TMTC1: variants seen among roughly 807,000 people sequenced by gnomAD.
The protein encoded by TMTC1 is protein O-mannosyl-transferase TMTC1.
In TMTC1, 73 loss-of-function variants were observed where a neutral mutation model predicts 104.8. The observed-to-expected ratio is 0.70, with a 90% CI of 0.58 to 0.85. The LOEUF is 0.85. Among genes scored for constraint, TMTC1 ranks in the 40% least tolerant of loss-of-function variants. The pLI is 0.00. For synonymous variants in TMTC1, 434 were observed against 428.7 expected, an observed-to-expected ratio of 1.01 and a Z score of -0.15; for missense variants, 1,035 against 1,096.1, an observed-to-expected ratio of 0.94 and a Z score of 0.79.
At chr12:29,664,114 G>A (rs926653556) in intron 5 of TMTC1, among the ~76,000 whole-genome samples, 3 of 150,352 alleles carry the variant, frequency 2.0e-5, no homozygotes, top group Admixed American at 6.6e-5. Context: ...GTGAACCCGG[G>A]AGGCGGAGCT....
chr12:29,551,243 A>C (rs1945094596), intron 10 of TMTC1, among the ~76,000 whole-genome samples: 1 of 152,210 alleles, frequency 6.6e-6, no homozygotes. Flanking sequence ...TTCAGTTAAA[A>C]GGTAGAGAAA....
chr12:29,686,596 T>G (rs1020542727), intron 5 of TMTC1, among the ~76,000 whole-genome samples: 13 of 152,210 alleles, frequency 8.5e-5, no homozygotes, highest in Non-Finnish European at 1.8e-4. Context: ...AATCCACTCC[T>G]GTCAGGGCTG....
intron 5 of TMTC1, among the ~76,000 whole-genome samples, chr12:29,746,011 G>A (rs1327008307): frequency 6.6e-6 from 1 of 152,144 alleles, no homozygotes; most frequent in Non-Finnish European, 1.5e-5. Flanking sequence ...CAAGGAAAAA[G>A]CTATTAGCAG....
At chr12:29,666,392 T>G (rs11050344) in intron 5 of TMTC1, 70,295 of 333,726 alleles carry the variant, frequency 0.21, 8,062 homozygotes, top group Admixed American at 0.32. Flanking sequence ...TAATTTTTTT[T>G]TTGTTGTTGT....
intron 5 of TMTC1, among the ~76,000 whole-genome samples, chr12:29,723,562 CT>C (rs1009215368): frequency 3.4e-5 from 5 of 148,404 alleles, no homozygotes; most frequent in African/African-American, 7.4e-5. Context: ...CTGTACTTTT[CT>C]TTTTTTTTTA....
chr12:29,661,039 C>T (rs76327711), intron 5 of TMTC1, among the ~76,000 whole-genome samples: 8,858 of 152,082 alleles, frequency 0.058, 294 homozygotes, highest in South Asian at 0.078. Flanking sequence ...TTTCCGTTCC[C>T]AGTTCTGCTG....
chr12:29,584,548 C>T (rs1388525750), intron 7 of TMTC1, among the ~76,000 whole-genome samples: 3 of 151,886 alleles, frequency 2.0e-5, no homozygotes, highest in Non-Finnish European at 2.9e-5. Context: ...CCCATTAACT[C>T]GTCATTTAGC....
In TMTC1 at chr12:29,783,572, G is replaced by T; in HGVS notation, c.180C>A (p.Asn60Lys). The change falls in exon 1 of 18, where the codon AAC (asparagine) becomes AAA (lysine). Residue 60 changes from asparagine to lysine, a missense_variant. By Grantham distance (94) the Asn-to-Lys change is moderately conservative (BLOSUM62 0). Transcript: ENST00000539277. The surrounding 1 kb of genome is among the most constrained non-coding windows in gnomAD (Gnocchi z 4.7). ...GCGGGGCGCCGGGCCGCACGTCGGG[G>T]TTGTTCACGATCGCCCACACGTCGT... The part of the protein sequence containing the change: ...VHDDVWAIVN[N>K]PDVRPGAPLR... 6.7e-7 allele frequency: 1 copy of T among 1,484,498 alleles called. No individual in the cohort carries two copies. The highest frequency in any genetic ancestry group is 8.9e-7 in the Non-Finnish European group (1 of 1,121,376). The allele number at this position is 1,484,498 out of a possible 1,614,324, so 92.0% of individuals were successfully genotyped here.
intron 5 of TMTC1, among the ~76,000 whole-genome samples, chr12:29,702,538 T>C (rs1472843761): frequency 6.6e-6 from 1 of 152,160 alleles, no homozygotes; most frequent in East Asian, 1.9e-4. Context: ...GAGCAGAGAA[T>C]AAGAATACCC....
chr12:29,652,139 A>G (rs1280241196), intron 5 of TMTC1, among the ~76,000 whole-genome samples: 2 of 152,208 alleles, frequency 1.3e-5, no homozygotes, highest in Admixed American at 6.5e-5. Context: ...AAAAAAAGGA[A>G]AGAAGAGTGG....
rs970214541 is a variant in TMTC1, at chr12:29,502,504, G to A, written c.*4342C>T. 1 of 151,978 alleles carries A rather than the reference G, an allele frequency of 6.6e-6. No homozygotes were observed. The highest frequency in any genetic ancestry group is 6.6e-5 in the Admixed American group (1 of 15,250). The allele number at this position is 151,978 out of a possible 1,614,324, so 9.4% of individuals were successfully genotyped here. A position where few individuals can be genotyped will look rare whatever the true frequency, so the allele number is the denominator to read the frequency against. On this transcript the variant is annotated 3_prime_UTR_variant, in exon 18 of 18. Transcript: ENST00000539277. ...CATATATATACTGGCACTTAGTCTG[G>A]TACATGCAAATTTCAAGGCAATTCC...
intron 6 of TMTC1, among the ~76,000 whole-genome samples, chr12:29,604,916 TA>T (rs1166015394): frequency 2.6e-5 from 4 of 152,202 alleles, no homozygotes; most frequent in Non-Finnish European, 5.9e-5. Flanking sequence ...ATCGTTATAA[TA>T]ATTCATTAAA....
intron 6 of TMTC1, among the ~76,000 whole-genome samples, chr12:29,618,446 T>C (rs1336137812): frequency 6.6e-6 from 1 of 152,202 alleles, no homozygotes; most frequent in African/African-American, 2.4e-5. Flanking sequence ...TTCTGCTATG[T>C]AATAATGTAG....
chr12:29,568,308 T>C (rs1306485410), intron 9 of TMTC1, among the ~76,000 whole-genome samples: 1 of 152,178 alleles, frequency 6.6e-6, no homozygotes, highest in East Asian at 1.9e-4. Context: ...GAGGAATTAT[T>C]TCTATGGAAA....
At chr12:29,592,203 A>G (rs1946300513) in intron 7 of TMTC1, among the ~76,000 whole-genome samples, 1 of 152,292 alleles carries the variant, frequency 6.6e-6, no homozygotes, top group Non-Finnish European at 1.5e-5. Context: ...AGAATTCCCA[A>G]TTTTAGAGAA....
intron 1 of TMTC1, among the ~76,000 whole-genome samples, chr12:29,777,149 C>T (rs963053430): frequency 3.9e-5 from 6 of 151,906 alleles, no homozygotes; most frequent in South Asian, 2.1e-4. Context: ...GGCTGGAGTG[C>T]GGTGGTGCAA....
intron 5 of TMTC1, among the ~76,000 whole-genome samples, chr12:29,711,536 C>T (rs1292462372): frequency 6.6e-6 from 1 of 152,058 alleles, no homozygotes; most frequent in Non-Finnish European, 1.5e-5. Flanking sequence ...AAACTCAGAC[C>T]GTAAAACTGC....
chr12:29,625,158 A>G (rs1937912172), intron 6 of TMTC1, among the ~76,000 whole-genome samples: 1 of 152,206 alleles, frequency 6.6e-6, no homozygotes, highest in South Asian at 2.1e-4. Context: ...ATTATTATAA[A>G]CATTTCATCT....
At chr12:29,518,680 T>A (rs1944060139) in intron 12 of TMTC1, 73 bp from the exon 13 acceptor site, 1 of 1,534,464 alleles carries the variant, frequency 6.5e-7, no homozygotes, top group African/African-American at 1.4e-5. Context: ...CACTTTCTCT[T>A]CTGACTTATA....
Sources: gnomAD v4.1 joint callset for allele counts (sites outside exome capture counted in the v4.1 genomes callset) on GRCh38, gnomAD v4.1.1 for gene constraint, Gnocchi (gnomAD v3.1) non-coding constraint, MANE v1.5 for transcripts, NCBI Gene and HGNC (gene_info 2026-07-23, HGNC 2026-07-21) for gene names.